The following GALNT13 variants were observed in gnomAD, a reference collection of about 807,000 sequenced individuals.
GALNT13 encodes polypeptide N-acetylgalactosaminyltransferase 13, also known as UDP-GalNAc:polypeptide N-acetylgalactosaminyltransferase 13.
A neutral mutation model predicts 64.2 loss-of-function variants in GALNT13; 28 were observed. The observed-to-expected ratio is 0.44, with a 90% CI of 0.32 to 0.60. The LOEUF (loss-of-function observed/expected upper bound fraction) is 0.60. Ranked by LOEUF, GALNT13 falls within the 20% of genes least tolerant of loss-of-function variation. The pLI, the probability that GALNT13 is intolerant of heterozygous loss-of-function variation, is 0.05. For synonymous variants in GALNT13, 214 were observed against 224.6 expected (o/e 0.95, Z 0.42); for missense variants, 577 against 669.8 (o/e 0.86, Z 1.53).
chr2:153,438,162 C>T, the GALNT13 span, among the ~76,000 whole-genome samples: 1 of 151,944 alleles, frequency 6.6e-6, no homozygotes, highest in African/African-American at 2.4e-5. Flanking sequence ...CCCCCACTCT[C>T]TTCTGGCTGG....
chr2:154,258,666 C>G (rs1690517814), intron 7 of GALNT13, among the ~76,000 whole-genome samples: 2 of 151,478 alleles, frequency 1.3e-5, no homozygotes, highest in South Asian at 2.1e-4. Context: ...AAGTTGACAC[C>G]TGATAGTTTC....
Position 153,874,936 on chromosome 2 carries a change from A to G in GALNT13, c.-177+2633A>G, listed in dbSNP as rs966196410. Reference sequence around the variant, plus strand: ...CTCTCAATCTCCTTACCTGAAAGTAAGTTGGGACATGGCATCATTTTTGGG... The same window carrying G: ...CTCTCAATCTCCTTACCTGAAAGTAGGTTGGGACATGGCATCATTTTTGGG... On this transcript the variant is annotated intron_variant, in intron 1 of 12. Transcript: ENST00000392825. Among the ~76,000 whole-genome samples, 4 of 152,156 alleles carry G rather than the reference A, an allele frequency of 2.6e-5. 1 individual carries two copies. The highest frequency in any genetic ancestry group is 4.4e-5 in the Non-Finnish European group (3 of 68,032).
the GALNT13 span, among the ~76,000 whole-genome samples, chr2:153,454,441 G>A: frequency 6.6e-6 from 1 of 152,080 alleles, no homozygotes; most frequent in Non-Finnish European, 1.5e-5. Context: ...TGAATTTCAG[G>A]CAGTTGTATC....
chr2:153,217,228 T>G, the GALNT13 span, among the ~76,000 whole-genome samples: 1 of 152,086 alleles, frequency 6.6e-6, no homozygotes, highest in East Asian at 1.9e-4. Flanking sequence ...TATCAGACAT[T>G]GTTTCCTCTC....
the GALNT13 span, among the ~76,000 whole-genome samples, chr2:153,406,734 G>A: frequency 6.6e-6 from 1 of 152,106 alleles, no homozygotes; most frequent in Non-Finnish European, 1.5e-5. Flanking sequence ...ATTTTAAACA[G>A]CATTTACAAA....
the GALNT13 span, among the ~76,000 whole-genome samples, chr2:153,242,367 T>TAGAA: frequency 2.3e-4 from 35 of 151,752 alleles, no homozygotes; most frequent in African/African-American, 7.7e-4. Flanking sequence ...ATTCCAAATC[T>TAGAA]AGAAAGAAAG....
chr2:154,280,287 TG>T (rs1574008642), intron 8 of GALNT13, among the ~76,000 whole-genome samples: 1 of 152,170 alleles, frequency 6.6e-6, no homozygotes, highest in East Asian at 1.9e-4. Flanking sequence ...TAGACTGGCC[TG>T]TAAGCTACTA....
intron 3 of GALNT13, among the ~76,000 whole-genome samples, chr2:154,063,071 G>A (rs1327688331): frequency 6.6e-6 from 1 of 152,030 alleles, no homozygotes; most frequent in Non-Finnish European, 1.5e-5. Flanking sequence ...TTACAGAAGG[G>A]TGTTGGGGAG....
chr2:154,208,624 CTGTGTGTGTG>C (rs57789546), intron 4 of GALNT13, among the ~76,000 whole-genome samples: 3,280 of 140,426 alleles, frequency 0.023, 55 homozygotes, highest in Non-Finnish European at 0.029. Context: ...TTTTGCGTGT[CTGTGTGTGTG>C]TGTGTGTGTG....
chr2:153,092,195 G>T, the GALNT13 span, among the ~76,000 whole-genome samples: 1 of 152,052 alleles, frequency 6.6e-6, no homozygotes. Context: ...CTGTTCCTTT[G>T]GTTATGTGTC....
intron 4 of GALNT13, among the ~76,000 whole-genome samples, chr2:154,199,517 A>G (rs1045555779): frequency 2.0e-5 from 3 of 152,026 alleles, no homozygotes; most frequent in African/African-American, 4.8e-5. Context: ...TATCTTACCA[A>G]AAATGGTTGT....
At chr2:154,195,281 T>C (rs1559017870) in intron 4 of GALNT13, among the ~76,000 whole-genome samples, 1 of 152,196 alleles carries the variant, frequency 6.6e-6, no homozygotes, top group Non-Finnish European at 1.5e-5. Flanking sequence ...GCCACTACTC[T>C]ACCTTCATTA....
At chr2:153,864,389 A>G in the GALNT13 span, among the ~76,000 whole-genome samples, 1 of 152,144 alleles carries the variant, frequency 6.6e-6, no homozygotes, top group Non-Finnish European at 1.5e-5. Context: ...TCATCAATAA[A>G]TGGTTGGATT....
chr2:153,436,355 G>A, the GALNT13 span, among the ~76,000 whole-genome samples: 3 of 152,144 alleles, frequency 2.0e-5, no homozygotes, highest in African/African-American at 7.2e-5. Flanking sequence ...AATGAGTTAG[G>A]GAGGATTCCC....
chr2:153,197,676 C>T, the GALNT13 span, among the ~76,000 whole-genome samples: 90 of 152,292 alleles, frequency 5.9e-4, no homozygotes, highest in African/African-American at 2.1e-3. Flanking sequence ...GTGAAGGCAA[C>T]GCGTGGGGAA....
At chr2:154,339,730 T>TAAATGA (rs2105219841) in intron 9 of GALNT13, among the ~76,000 whole-genome samples, 1 of 152,206 alleles carries the variant, frequency 6.6e-6, no homozygotes, top group South Asian at 2.1e-4. Context: ...AAATTCTGAT[T>TAAATGA]TCCAAGGAAT....
the GALNT13 span, among the ~76,000 whole-genome samples, chr2:153,258,101 G>A: frequency 6.6e-6 from 1 of 152,156 alleles, no homozygotes; most frequent in Non-Finnish European, 1.5e-5. Flanking sequence ...TTTAAAAAAA[G>A]TCTTAGAGAT....
intron 10 of GALNT13, among the ~76,000 whole-genome samples, chr2:154,402,626 G>C (rs376392177): frequency 6.6e-6 from 1 of 152,132 alleles, no homozygotes; most frequent in Non-Finnish European, 1.5e-5. Flanking sequence ...ACCAGTGTGC[G>C]CTACTATTTT....
chr2:153,882,081 C>T (rs923492868), intron 1 of GALNT13, among the ~76,000 whole-genome samples: 24 of 151,118 alleles, frequency 1.6e-4, no homozygotes, highest in African/African-American at 5.6e-4. Flanking sequence ...CTCCTGAAAA[C>T]TCATTAAGTC....
Sources: allele counts gnomAD v4.1 joint callset (sites outside exome capture counted in the v4.1 genomes callset), GRCh38; gene constraint gnomAD v4.1.1; transcripts MANE v1.5; gene names NCBI Gene and HGNC (gene_info 2026-07-23, HGNC 2026-07-21).